GTF2IRD2: variants seen among roughly 807,000 people sequenced by gnomAD.
GTF2IRD2 encodes GTF2I repeat domain containing 2.
In GTF2IRD2, 8 loss-of-function variants were observed where a neutral mutation model predicts 49.2. That is an observed-to-expected ratio of 0.16 (90% CI 0.10 to 0.29). GTF2IRD2 has a LOEUF of 0.29. GTF2IRD2 is among the 10% of genes least tolerant of loss of function. The probability of loss-of-function intolerance (pLI) is 1.00; values close to 1 mark genes in which losing one functional copy is unlikely to be tolerated. For synonymous variants in GTF2IRD2, 47 were observed against 289.7 expected (o/e 0.16, Z 8.51); for missense variants, 130 against 725.7 (o/e 0.18, Z 9.43).
In GTF2IRD2 at chr7:74,842,705, T is replaced by C. The variant is rs1440070296; in HGVS notation, c.-5-6322A>G. Among the ~76,000 whole-genome samples the C allele has an allele frequency of 6.2e-5, 9 of 144,210 alleles. 1 individual carries two copies. The highest frequency in any genetic ancestry group is 1.2e-4 in the Non-Finnish European group (8 of 66,618). 94.6% of individuals were successfully genotyped at this position (144,210 alleles called of 152,430 possible). On this transcript the variant is annotated intron_variant, in intron 1 of 15. Coordinates refer to ENST00000451013, the MANE Select transcript of GTF2IRD2 (RefSeq NM_173537.5). ...TCCAGAGTAGCTAAGATGACAGGCA[T>C]GTGCCACGACACTCAGCTAATTTTC... is the stretch of plus-strand genomic sequence containing the variant.
chr7:74,822,143 T>C (rs1295968767), intron 6 of GTF2IRD2: 1 of 280,900 alleles, frequency 3.6e-6, no homozygotes, highest in Non-Finnish European at 6.7e-6. Flanking sequence ...ACCTCCCGGG[T>C]TCACGCCATT....
chr7:74,826,699 C>CTTTTTT (rs1175596623), intron 3 of GTF2IRD2, among the ~76,000 whole-genome samples: 1 of 16,600 alleles, frequency 6.0e-5, no homozygotes. Flanking sequence ...TCATTTCATT[C>CTTTTTT]TTTTTTTTTT....
Position 74,841,666 on chromosome 7 carries a change from T to A in GTF2IRD2, c.-5-5283A>T, listed in dbSNP as rs1328850265. Among the ~76,000 whole-genome samples, 5 of 143,076 alleles carry A rather than the reference T, an allele frequency of 3.5e-5. No individual in the cohort carries two copies. The East Asian group carries it at 1.0e-3, about 29-fold the overall frequency. 93.9% of individuals were successfully genotyped at this position (143,076 alleles called of 152,430 possible). A position where few individuals can be genotyped will look rare whatever the true frequency, so the allele number is the denominator to read the frequency against. ...TATGAATGTTTCACTTCTGACCTTT[T>A]ATGAATCCCCTCAACTTAAAATCCA... On this transcript the variant is annotated intron_variant, in intron 1 of 15. Coordinates refer to ENST00000451013, the MANE Select transcript of GTF2IRD2 (RefSeq NM_173537.5).
intron 3 of GTF2IRD2, among the ~76,000 whole-genome samples, chr7:74,831,135 A>G (rs1799807906): frequency 6.6e-6 from 1 of 151,160 alleles, no homozygotes; most frequent in Non-Finnish European, 1.5e-5. Context: ...TTGATAGTGG[A>G]GACCTTAATT....
chr7:74,826,116 T>C (rs1238000848), intron 3 of GTF2IRD2, among the ~76,000 whole-genome samples: 2 of 151,488 alleles, frequency 1.3e-5, no homozygotes, highest in East Asian at 3.9e-4. Flanking sequence ...ATATACGGTG[T>C]TGTTGGTGAA....
At chr7:74,845,867 C>CT (rs1180915348) in intron 1 of GTF2IRD2, among the ~76,000 whole-genome samples, 5 of 138,592 alleles carry the variant, frequency 3.6e-5, no homozygotes, top group Non-Finnish European at 4.7e-5. Context: ...GTTATTAACC[C>CT]TTTTTTTACT....
intron 1 of GTF2IRD2, among the ~76,000 whole-genome samples, chr7:74,836,916 CTT>C (rs1275527985): frequency 2.4e-5 from 3 of 126,354 alleles, no homozygotes; most frequent in African/African-American, 3.3e-5. Context: ...GAGTTTCACT[CTT>C]GTTACCCAGG....
chr7:74,840,828 A>G (rs1554421730), intron 1 of GTF2IRD2, among the ~76,000 whole-genome samples: 3 of 138,398 alleles, frequency 2.2e-5, no homozygotes, highest in African/African-American at 6.0e-5. Flanking sequence ...AAGATACTAA[A>G]TCAACTGCTT....
chr7:74,830,841 GC>G (rs1182222576), intron 3 of GTF2IRD2, among the ~76,000 whole-genome samples: 1 of 98,988 alleles, frequency 1.0e-5, no homozygotes, highest in African/African-American at 3.9e-5. Context: ...CTACACGTGT[GC>G]CCCCCGAATC....
At position 74,836,266 on chromosome 7, in the gene GTF2IRD2, T is replaced by G. The variant is rs1215278386; in HGVS notation, c.99+14A>C. 6.2e-6 allele frequency: 10 copies of G among 1,609,290 alleles called. No individual in the cohort carries two copies. In the African/African-American group the frequency reaches 1.1e-4, roughly 18 times the overall value. On this transcript the variant is annotated intron_variant, in intron 2 of 15. Coordinates refer to ENST00000451013, the MANE Select transcript of GTF2IRD2 (RefSeq NM_173537.5). ...CCATCTATGGAATGTCAGACAAGTG[T>G]CAGGCTGTCTCACCATGGATTCGAG...
rs1439422637 is a variant in GTF2IRD2 at position 74,836,134 on chromosome 7, G to A, written c.99+146C>T. The A allele has an allele frequency of 1.5e-4, 121 of 816,204 alleles. No individual in the cohort carries two copies. In the East Asian group the frequency reaches 2.1e-3, roughly 14 times the overall value. The allele number at this position is 816,204 out of a possible 1,614,324, so 50.6% of individuals were successfully genotyped here. A position where few individuals can be genotyped will look rare whatever the true frequency, so the allele number is the denominator to read the frequency against. On this transcript the variant is annotated intron_variant, in intron 2 of 15. Coordinates refer to ENST00000451013, the MANE Select transcript of GTF2IRD2 (RefSeq NM_173537.5). ...TGCCGTGAGCTGAGATTGTGCCACT[G>A]CACTCCAGCCTGGGTGACAGAGTGA...
intron 15 of GTF2IRD2, chr7:74,799,011 C>CTTTTTTTTTTTTTTTTTTTTTTT (rs1286153945): frequency 7.7e-6 from 1 of 129,198 alleles, no homozygotes; most frequent in Non-Finnish European, 1.6e-5. Flanking sequence ...TTTTCTTTTT[C>CTTTTTTTTTTTTTTTTTTTTTTT]TTTTTTTTTT....
At chr7:74,798,397 G>T (rs1554416614) in intron 15 of GTF2IRD2, 132 bp from the exon 16 acceptor site, 1 of 610,658 alleles carries the variant, frequency 1.6e-6, no homozygotes, top group African/African-American at 1.9e-5. Context: ...TTAACAGGAG[G>T]GTGACCCACC....
At chr7:74,831,403 T>C (rs1407558633) in intron 3 of GTF2IRD2, among the ~76,000 whole-genome samples, 2 of 150,778 alleles carry the variant, frequency 1.3e-5, no homozygotes, top group Non-Finnish European at 3.0e-5. Flanking sequence ...TATTTATCTA[T>C]CTACCTATCT....
At chr7:74,844,360 T>TATTTATTTA (rs1435505739) in intron 1 of GTF2IRD2, among the ~76,000 whole-genome samples, 1 of 13,182 alleles carries the variant, frequency 7.6e-5, no homozygotes, top group Non-Finnish European at 1.4e-4. Context: ...ATTATGTTTT[T>TATTTATTTA]TTTATTTATT....
At chr7:74,818,878 AC>A (rs1554418315) in intron 8 of GTF2IRD2, 1 of 150,820 alleles carries the variant, frequency 6.6e-6, no homozygotes, top group East Asian at 1.9e-4. Flanking sequence ...TCAAATGATA[AC>A]CTGCTAGATA....
At chr7:74,842,615 G>T (rs1800944658) in intron 1 of GTF2IRD2, among the ~76,000 whole-genome samples, 1 of 144,880 alleles carries the variant, frequency 6.9e-6, no homozygotes, top group Non-Finnish European at 1.5e-5. Flanking sequence ...ATCATAGTTG[G>T]AGTACAGTGG....
chr7:74,819,225 T>C (rs1269743468), intron 8 of GTF2IRD2: 27 of 327,022 alleles, frequency 8.3e-5, no homozygotes, highest in Non-Finnish European at 1.4e-4. Flanking sequence ...GTGCGCAGCC[T>C]TGTTTGTTTT....
At chr7:74,840,446 G>A (rs1185421431) in intron 1 of GTF2IRD2, among the ~76,000 whole-genome samples, 1 of 66,350 alleles carries the variant, frequency 1.5e-5, no homozygotes, top group Non-Finnish European at 2.7e-5. Flanking sequence ...CTTGCAGGAT[G>A]GAAGGCACCC....
Sources: gnomAD v4.1 joint callset for allele counts (sites outside exome capture counted in the v4.1 genomes callset) on GRCh38, gnomAD v4.1.1 for gene constraint, MANE v1.5 for transcripts, NCBI Gene and HGNC (gene_info 2026-07-23, HGNC 2026-07-21) for gene names.